FBXW4: variants seen among roughly 807,000 people sequenced by gnomAD.
FBXW4 encodes F-box/WD repeat-containing protein 4.
Under a neutral mutation model 61.8 loss-of-function variants are expected in FBXW4, and 40 were observed. The observed-to-expected ratio is 0.65, with a 90% CI of 0.50 to 0.84. FBXW4 has a LOEUF of 0.84. FBXW4 is among the 40% of genes least tolerant of loss of function. The pLI is 0.00. For synonymous variants in FBXW4, 311 were observed against 313.8 expected (o/e 0.99, Z 0.10); for missense variants, 672 against 753.8 (o/e 0.89, Z 1.27).
At chr10:101,670,405 G>A (rs1319572313) in intron 4 of FBXW4, among the ~76,000 whole-genome samples, 1 of 152,176 alleles carries the variant, frequency 6.6e-6, no homozygotes, top group Non-Finnish European at 1.5e-5. Context: ...ATAAGTATAA[G>A]GCATCTAGCA....
intron 5 of FBXW4, among the ~76,000 whole-genome samples, chr10:101,655,568 A>G (rs1391571360): frequency 1.3e-5 from 2 of 152,178 alleles, no homozygotes; most frequent in Admixed American, 1.3e-4. Context: ...CTCTTAGGTC[A>G]TTTACCATAG....
chr10:101,634,023 G>A (rs1261169589), intron 5 of FBXW4, among the ~76,000 whole-genome samples: 1 of 152,092 alleles, frequency 6.6e-6, no homozygotes, highest in Non-Finnish European at 1.5e-5. Context: ...TGAGGCAGGA[G>A]AATCACTTGA....
chr10:101,611,825 C>A lies in FBXW4; in HGVS notation c.1443-56G>T. On this transcript the variant is annotated intron_variant, in intron 7 of 8. Transcript: ENST00000331272. The surrounding 1 kb of genome is among the most constrained non-coding windows in gnomAD (Gnocchi z 4.9). ...TTTAGGGTACCCTCCACCTCTACCC[C>A]AGCTTTCTTGGGCCTAGAGTGGCTG... The A allele has an allele frequency of 6.4e-7, 1 of 1,574,324 alleles. No homozygotes were observed. The highest frequency in any genetic ancestry group is 2.3e-5 in the East Asian group (1 of 43,980).
chr10:101,664,529 T>A (rs1160021680), intron 5 of FBXW4, among the ~76,000 whole-genome samples: 2 of 152,128 alleles, frequency 1.3e-5, no homozygotes, highest in Admixed American at 1.3e-4. Flanking sequence ...TCAACAGGAA[T>A]GGTGGCAGGG....
chr10:101,622,321 G>A (rs2063872906), intron 6 of FBXW4, among the ~76,000 whole-genome samples: 1 of 152,224 alleles, frequency 6.6e-6, no homozygotes, highest in Admixed American at 6.5e-5. Flanking sequence ...AGGGCAAGGT[G>A]AAGAGTTCTT....
intron 1 of FBXW4, among the ~76,000 whole-genome samples, chr10:101,678,011 A>G (rs73351268): frequency 0.027 from 4,058 of 152,320 alleles, 191 homozygotes; most frequent in African/African-American, 0.089. Flanking sequence ...GCCAAATATT[A>G]ATTGTAGAAC....
In FBXW4 at chr10:101,610,965, T is replaced by G. The variant is rs1470698896; in HGVS notation, c.*326A>C. On this transcript the variant is annotated 3_prime_UTR_variant, in exon 9 of 9. Coordinates refer to ENST00000331272, the MANE Select transcript of FBXW4 (RefSeq NM_022039.4). The stretch of plus-strand genomic sequence containing the variant: ...GAGCACCTCACCTCACTCTGTAGGC[T>G]GTCATGGCTCTAATAAGGGGTATAG... The G allele has an allele frequency of 5.5e-6, 1 of 181,318 alleles. No individual in the cohort carries two copies. The highest frequency in any genetic ancestry group is 1.2e-5 in the Non-Finnish European group (1 of 86,846). 11.2% of individuals were successfully genotyped at this position (181,318 alleles called of 1,614,324 possible). A position where few individuals can be genotyped will look rare whatever the true frequency, so the allele number is the denominator to read the frequency against.
rs1331922263 is a variant in FBXW4, at chr10:101,673,529, G to A, written c.966C>T (p.Cys322=). 6.2e-7 allele frequency: 1 copy of A among 1,613,938 alleles called. No individual in the cohort carries two copies. Among genetic ancestry groups the A allele is most frequent in the East Asian group, 2.2e-5 (1 of 44,870 alleles). ...TATGCGAGTTGGCCAGCACAAAGTG[G>A]CAAACGTCCTCATCATGCCCAGCAA... is the stretch of plus-strand genomic sequence containing the variant. ...GVFAGHDEDV[C]HFVLANSHIV... Residue 322 remains cysteine (C), a synonymous_variant, in exon 3 of 9, where the codon TGC becomes TGT. Transcript: ENST00000331272.
At chr10:101,637,154 C>A (rs1191432208) in intron 5 of FBXW4, among the ~76,000 whole-genome samples, 1 of 150,120 alleles carries the variant, frequency 6.7e-6, no homozygotes, top group South Asian at 2.1e-4. Context: ...GAGGCTGAGG[C>A]GGGCGGATCA....
At chr10:101,656,057 G>A (rs528411189) in intron 5 of FBXW4, among the ~76,000 whole-genome samples, 14 of 152,196 alleles carry the variant, frequency 9.2e-5, no homozygotes, top group Admixed American at 4.6e-4. Context: ...TGTCACCTGC[G>A]CACTGAAACC....
In FBXW4 at chr10:101,671,644, G is replaced by C. The variant is rs147282508; in HGVS notation, c.1140+1271C>G. On this transcript the variant is annotated intron_variant, in intron 4 of 8. Transcript: ENST00000331272. Reference sequence around the variant, plus strand: ...CATGACAGGAAGATGGCTAGAATAAGACAGGAGTACCTAGGTCACACATGC... The same window carrying C: ...CATGACAGGAAGATGGCTAGAATAACACAGGAGTACCTAGGTCACACATGC... Among the ~76,000 whole-genome samples the C allele has an allele frequency of 3.9e-4, 59 of 152,264 alleles. No homozygotes were observed. In the East Asian group the frequency reaches 0.011, roughly 27 times the overall value.
intron 1 of FBXW4, among the ~76,000 whole-genome samples, chr10:101,689,727 G>C (rs2064572673): frequency 6.6e-6 from 1 of 152,106 alleles, no homozygotes; most frequent in Non-Finnish European, 1.5e-5. Flanking sequence ...TGCTTTCTGG[G>C]TCAAGAAAAT....
intron 5 of FBXW4, among the ~76,000 whole-genome samples, chr10:101,650,960 C>T (rs1235468352): frequency 2.0e-5 from 3 of 152,208 alleles, no homozygotes; most frequent in Admixed American, 6.5e-5. Flanking sequence ...TGGGAAATAA[C>T]GCCACTATGC....
At chr10:101,617,037 G>A (rs556862102) in intron 6 of FBXW4, among the ~76,000 whole-genome samples, 83 of 152,296 alleles carry the variant, frequency 5.4e-4, no homozygotes, top group African/African-American at 1.8e-3. Flanking sequence ...GTCTGCTGGA[G>A]CCAGATGAGA....
At chr10:101,690,406 C>A (rs1361494055) in intron 1 of FBXW4, among the ~76,000 whole-genome samples, 2 of 152,038 alleles carry the variant, frequency 1.3e-5, no homozygotes, top group Non-Finnish European at 2.9e-5. Context: ...TTCATAAAAT[C>A]TCCAAACAAA....
intron 5 of FBXW4, among the ~76,000 whole-genome samples, chr10:101,641,173 G>C (rs1040556791): frequency 9.7e-5 from 14 of 144,482 alleles, no homozygotes; most frequent in Admixed American, 6.7e-4. Flanking sequence ...GCATTTAAGA[G>C]ATAGATAATT....
chr10:101,676,345 A>T lies in FBXW4; in HGVS notation c.817T>A (p.Cys273Ser), dbSNP rs768762737. 1 of 1,613,190 alleles carries T rather than the reference A, an allele frequency of 6.2e-7. No homozygotes were observed. Among genetic ancestry groups the T allele is most frequent in the Non-Finnish European group, 8.5e-7 (1 of 1,179,632 alleles). The change falls in exon 2 of 9, where the codon TGC (cysteine) becomes AGC (serine). Residue 273 changes from cysteine to serine, a missense_variant. Around this residue, in one of 5 missense-constraint regions of FBXW4, gnomAD observed 6 missense variants for 20.2 expected, o/e 0.30. Transcript: ENST00000331272. The part of the protein sequence containing the change: ...CREGILLKWR[C>S]SQMPWMQLED... ...AAAAGTCAAGAGGCTACTTGCCTGC[A>T]TCTCCACTTCAGCAGAATCCCCTCT...
chr10:101,639,734 G>C (rs934814799), intron 5 of FBXW4, among the ~76,000 whole-genome samples: 1 of 152,198 alleles, frequency 6.6e-6, no homozygotes, highest in Admixed American at 6.5e-5. Context: ...CATGGAATAA[G>C]CTGGTCAGCT....
intron 1 of FBXW4, among the ~76,000 whole-genome samples, chr10:101,692,270 TAC>T: frequency 6.6e-6 from 1 of 151,350 alleles, no homozygotes; most frequent in South Asian, 2.1e-4. Flanking sequence ...AGATCCAATA[TAC>T]ACACATATAT....
Sources: gnomAD v4.1 joint callset for allele counts (sites outside exome capture counted in the v4.1 genomes callset) on GRCh38, gnomAD v4.1.1 for gene constraint, gnomAD v4.1.1 regional missense constraint, Gnocchi (gnomAD v3.1) non-coding constraint, MANE v1.5 for transcripts, NCBI Gene and HGNC (gene_info 2026-07-23, HGNC 2026-07-21) for gene names.